ASPA: variants seen among roughly 807,000 people sequenced by gnomAD.
ASPA encodes the protein ACY-2.
A neutral mutation model predicts 29.6 loss-of-function variants in ASPA; 25 were observed. The observed-to-expected ratio is 0.85, with a 90% CI of 0.62 to 1.18. ASPA has a LOEUF of 1.18. Among genes scored for constraint, ASPA ranks in the 50% most tolerant of loss-of-function variants. ASPA has a pLI of 0.00. For missense variants in ASPA, 333 were observed against 385.7 expected (o/e 0.86, Z 1.14); for synonymous variants, 131 against 130.3 (o/e 1.01, Z -0.04).
chr17:3,481,513 G>A (rs1187771794), intron 1 of ASPA, 90 bp from the exon 2 acceptor site: 40 of 1,214,880 alleles, frequency 3.3e-5, no homozygotes, highest in South Asian at 1.1e-4. Context: ...AAGATTTGGC[G>A]ACTGGTTCTT....
intron 5 of ASPA, among the ~76,000 whole-genome samples, chr17:3,498,030 T>G (rs1218788530): frequency 6.6e-6 from 1 of 152,126 alleles, no homozygotes; most frequent in African/African-American, 2.4e-5. Context: ...TACCCTAATG[T>G]AGGAGCACAT....
chr17:3,479,643 G>A (rs1009304018), intron 1 of ASPA, among the ~76,000 whole-genome samples: 1 of 151,452 alleles, frequency 6.6e-6, no homozygotes, highest in African/African-American at 2.4e-5. Context: ...CCCCTGCACC[G>A]ACTCGACGTG....
In ASPA at chr17:3,488,528, G is replaced by A. The variant is rs1037538213; in HGVS notation, c.527-707G>A. Among the ~76,000 whole-genome samples the A allele has an allele frequency of 2.0e-5, 3 of 152,058 alleles. No homozygotes were observed. Among genetic ancestry groups the A allele is most frequent in the Admixed American group, 1.3e-4 (2 of 15,260 alleles). ...AAAAATAAGCCAGGAATGGTGGCCCGTGCCTGTAATCCCAGCTACTCGGGA... is the reference window on the plus strand; with the variant it reads ...AAAAATAAGCCAGGAATGGTGGCCCATGCCTGTAATCCCAGCTACTCGGGA... On this transcript the variant is annotated intron_variant, in intron 3 of 5. Transcript: ENST00000263080. This position sits in a 1 kb window ranked among gnomAD's most constrained non-coding sequence, Gnocchi z 6.1.
Position 3,498,986 on chromosome 17 carries a change from C to T in ASPA, c.840C>T (p.Pro280=), listed in dbSNP as rs148081446. 203 of 1,614,078 alleles carry T rather than the reference C, an allele frequency of 1.3e-4. No individual in the cohort carries two copies. The highest frequency in any genetic ancestry group is 8.2e-4 in the Middle Eastern group (5 of 6,062). ...IPLGGDCTVY[P]VFVNEAAYYE... ...TGGGCGGAGACTGTACCGTGTACCCCGTGTTTGTGAATGAGGCCGCATATT... is the reference window on the plus strand; with the variant it reads ...TGGGCGGAGACTGTACCGTGTACCCTGTGTTTGTGAATGAGGCCGCATATT... Residue 280 remains proline, a synonymous_variant, in exon 6 of 6, where the codon CCC becomes CCT. Coordinates refer to ENST00000263080, the MANE Select transcript of ASPA (RefSeq NM_000049.4).
intron 4 of ASPA, among the ~76,000 whole-genome samples, chr17:3,491,875 TTC>T (rs1190997199): frequency 9.3e-4 from 90 of 96,584 alleles, no homozygotes; most frequent in African/African-American, 3.1e-3. Context: ...TTCTTTTGTT[TTC>T]TTTTTTTTTT....
At chr17:3,493,359 G>A (rs990685610) in intron 4 of ASPA, among the ~76,000 whole-genome samples, 15 of 152,024 alleles carry the variant, frequency 9.9e-5, no homozygotes, top group Middle Eastern at 3.4e-3. Context: ...TCAAGAAATC[G>A]AGACCATCCT....
intron 4 of ASPA, among the ~76,000 whole-genome samples, chr17:3,492,694 A>G (rs8068225): frequency 0.36 from 54,139 of 152,090 alleles, 10,287 homozygotes; most frequent in East Asian, 0.7. Flanking sequence ...CTGCTGGATA[A>G]TGAAAGCCTT....
intron 5 of ASPA, among the ~76,000 whole-genome samples, chr17:3,498,421 A>T (rs2073943845): frequency 6.6e-6 from 1 of 152,022 alleles, no homozygotes; most frequent in Non-Finnish European, 1.5e-5. Flanking sequence ...AACATAGCTC[A>T]CTGTAGCCTC....
intron 1 of ASPA, among the ~76,000 whole-genome samples, chr17:3,477,431 A>G (rs1597424112): frequency 6.6e-6 from 1 of 152,082 alleles, no homozygotes; most frequent in African/African-American, 2.4e-5. Flanking sequence ...ATGACTCCAC[A>G]TATTTGCTTT....
At chr17:3,479,464 G>T (rs930577411) in intron 1 of ASPA, among the ~76,000 whole-genome samples, 14 of 152,320 alleles carry the variant, frequency 9.2e-5, no homozygotes, top group African/African-American at 3.1e-4. Context: ...ACAAATAAGG[G>T]TTTCTTGTTC....
At chr17:3,480,851 T>C (rs2073615031) in intron 1 of ASPA, among the ~76,000 whole-genome samples, 1 of 152,114 alleles carries the variant, frequency 6.6e-6, no homozygotes, top group Non-Finnish European at 1.5e-5. Context: ...CAAGATGGAG[T>C]CAGGTTAGAT....
At chr17:3,474,343 T>G (rs918309531), upstream of ASPA, among the ~76,000 whole-genome samples, 3 of 152,174 alleles carry the variant, frequency 2.0e-5, no homozygotes, top group African/African-American at 7.2e-5. Context: ...CAGCTACGAG[T>G]AAATAACTGA....
Position 3,489,227 on chromosome 17 carries a change from G to C in ASPA, c.527-8G>C. On this transcript the variant is annotated splice_polypyrimidine_tract_variant and splice_region_variant and intron_variant, in intron 3 of 5. Transcript: ENST00000263080. ...TATAAATGTGACTATCTCTCCTTCT[G>C]TACCTAGGTATAGAAGTTGGTCCTC... The C allele has an allele frequency of 6.6e-7, 1 of 1,522,570 alleles. No individual in the cohort carries two copies. 94.3% of individuals were successfully genotyped at this position (1,522,570 alleles called of 1,614,324 possible).
rs2150764369 is a variant in ASPA at position 3,499,094 on chromosome 17, A to G, written c.*6A>G. 6.2e-7 allele frequency: 1 copy of G among 1,612,882 alleles called. No individual in the cohort carries two copies. On this transcript the variant is annotated 3_prime_UTR_variant, in exon 6 of 6. Coordinates refer to ENST00000263080, the MANE Select transcript of ASPA (RefSeq NM_000049.4). ...TTCGCTGCTGTTTACATTAGAAATC[A>G]CTTCCAGCTTACATCTTACACGGTG...
intron 5 of ASPA, among the ~76,000 whole-genome samples, chr17:3,496,686 C>T (rs2073912434): frequency 2.0e-5 from 3 of 152,238 alleles, no homozygotes; most frequent in Non-Finnish European, 4.4e-5. Flanking sequence ...AGGGGACCCC[C>T]TCCCAGTGCC....
At chr17:3,493,854 C>T (rs2073866082) in intron 4 of ASPA, among the ~76,000 whole-genome samples, 1 of 152,112 alleles carries the variant, frequency 6.6e-6, no homozygotes, top group Admixed American at 6.6e-5. Context: ...CTACCTCTGG[C>T]CGTCGGCGTG....
intron 3 of ASPA, among the ~76,000 whole-genome samples, chr17:3,484,586 C>G (rs2073687492): frequency 6.6e-6 from 1 of 152,186 alleles, no homozygotes; most frequent in Non-Finnish European, 1.5e-5. Context: ...TTGAAATTAT[C>G]TGTGATGAAA....
At chr17:3,475,241 T>G (rs1371166543), upstream of ASPA, among the ~76,000 whole-genome samples, 1 of 152,186 alleles carries the variant, frequency 6.6e-6, no homozygotes, top group East Asian at 1.9e-4. Flanking sequence ...AAATTTCCCC[T>G]AATAAGACCC....
chr17:3,476,493 A>G, intron 1 of ASPA, 98 bp downstream of exon 1: 2 of 1,079,618 alleles, frequency 1.9e-6, no homozygotes, highest in East Asian at 4.8e-5. Flanking sequence ...ATGATAATTC[A>G]TGTCCGTACA....
Sources: allele counts gnomAD v4.1 joint callset (sites outside exome capture counted in the v4.1 genomes callset), GRCh38; gene constraint gnomAD v4.1.1; non-coding constraint Gnocchi (gnomAD v3.1); transcripts MANE v1.5; gene names NCBI Gene and HGNC (gene_info 2026-07-23, HGNC 2026-07-21).